The following GHRHR variants were observed in gnomAD, a reference collection of about 807,000 sequenced individuals.
GHRHR encodes the protein growth hormone releasing hormone receptor.
A neutral mutation model predicts 58.3 loss-of-function variants in GHRHR; 40 were observed. That is an observed-to-expected ratio of 0.69 (90% CI 0.53 to 0.89). The LOEUF (loss-of-function observed/expected upper bound fraction) is 0.89, where lower values mean the gene tolerates loss of function less well. Ranked by LOEUF, GHRHR falls within the 40% of genes least tolerant of loss-of-function variation. The pLI is 0.00. For synonymous variants in GHRHR, 249 were observed against 216.6 expected (o/e 1.15, Z -1.31); for missense variants, 551 against 541.3 (o/e 1.02, Z -0.18).
At position 30,974,986 on chromosome 7, in the gene GHRHR, C is replaced by A. The variant is rs147768462; in HGVS notation, c.828C>A (p.Asp276Glu). 6.2e-7 allele frequency: 1 copy of A among 1,612,382 alleles called. No individual in the cohort carries two copies. Among genetic ancestry groups the A allele is most frequent in the Non-Finnish European group, 8.5e-7 (1 of 1,178,440 alleles). The part of the protein sequence containing the change: ...AFEDIACWDL[D>E]DTSPYWWIIK... ...CTCTCCCCAGGTGCTGGGACCTGGACGACACCTCCCCCTACTGGTGGATCA... is the reference window on the plus strand; with the variant it reads ...CTCTCCCCAGGTGCTGGGACCTGGAAGACACCTCCCCCTACTGGTGGATCA... The change falls in exon 9 of 13, where the codon GAC becomes GAA. Residue 276 changes from aspartate to glutamate, a missense_variant. Transcript: ENST00000326139.
intron 11 of GHRHR, 61 bp from the exon 12 acceptor site, chr7:30,977,220 G>A (rs1792607470): frequency 1.3e-6 from 2 of 1,488,452 alleles, no homozygotes; most frequent in Admixed American, 1.7e-5. Flanking sequence ...CAGAAAGACG[G>A]TGGACACCTT....
intron 6 of GHRHR, 25 bp downstream of exon 6, chr7:30,972,120 G>A: frequency 6.2e-7 from 1 of 1,612,702 alleles, no homozygotes; most frequent in Admixed American, 1.7e-5. Flanking sequence ...TGAAGGGGCT[G>A]GGCAGGTGGG....
chr7:30,964,186 G>C, intron 1 of GHRHR, 61 bp downstream of exon 1: 1 of 1,417,602 alleles, frequency 7.1e-7, no homozygotes. Context: ...GGGAGCCACA[G>C]GGCCAACTGG....
At chr7:30,969,252 G>A (rs527349420) in intron 3 of GHRHR, 82 bp downstream of exon 3, 11 of 984,102 alleles carry the variant, frequency 1.1e-5, no homozygotes, top group Non-Finnish European at 1.7e-5. Flanking sequence ...TTTGGGGGCA[G>A]GCTAACCTGG....
intron 12 of GHRHR, 141 bp from the exon 13 acceptor site, chr7:30,978,978 G>A: frequency 1.3e-6 from 1 of 785,198 alleles, no homozygotes; most frequent in East Asian, 2.5e-5. Flanking sequence ...GTACTTAGCA[G>A]TACCTGTTGC....
At chr7:30,972,590 A>G (rs1468934905) in intron 6 of GHRHR, among the ~76,000 whole-genome samples, 1 of 152,154 alleles carries the variant, frequency 6.6e-6, no homozygotes, top group African/African-American at 2.4e-5. Context: ...GGCAGCAACA[A>G]TAGGGAGATG....
In GHRHR at chr7:30,974,975, T is replaced by C. The variant is rs1250709814; in HGVS notation, c.817T>C (p.Trp273Arg). 3 of 1,608,806 alleles carry C rather than the reference T, an allele frequency of 1.9e-6. No individual in the cohort carries two copies. The highest frequency in any genetic ancestry group is 2.6e-6 in the Non-Finnish European group (3 of 1,175,174). The change falls in exon 9 of 13, where the codon TGG becomes CGG. Residue 273 changes from tryptophan to arginine, a missense_variant. Transcript: ENST00000326139. ...CKLAFEDIACWDLDDTSPYWW... is the reference protein window; with the variant it reads ...CKLAFEDIACRDLDDTSPYWW... ...CCTTCTTTCCTCTCTCCCCAGGTGC[T>C]GGGACCTGGACGACACCTCCCCCTA...
intron 5 of GHRHR, among the ~76,000 whole-genome samples, chr7:30,971,579 C>G (rs1458656457): frequency 6.6e-6 from 1 of 152,068 alleles, no homozygotes; most frequent in East Asian, 1.9e-4. Context: ...TTTAAGACCC[C>G]ACCCCCTCCT....
chr7:30,966,481 C>T (rs1584409928), intron 1 of GHRHR, among the ~76,000 whole-genome samples: 1 of 152,126 alleles, frequency 6.6e-6, no homozygotes, highest in African/African-American at 2.4e-5. Context: ...CTTCCCTTGT[C>T]CTTGCACATG....
intron 9 of GHRHR, 67 bp from the exon 10 acceptor site, chr7:30,975,710 C>T: frequency 1.1e-6 from 1 of 880,312 alleles, no homozygotes; most frequent in Non-Finnish European, 2.0e-6. Context: ...TGGGCTGGGG[C>T]TCACCCCAGC....
rs575455147 is a variant in GHRHR, at chr7:30,972,222, A to C, written c.597+127A>C. ...CCCTGGGGCTCCCGCATGGCCAATT[A>C]CAGAACAGGAAAATGCTCCTTTCCC... On this transcript the variant is annotated intron_variant, in intron 6 of 12. Transcript: ENST00000326139. 24 of 940,654 alleles carry C rather than the reference A, an allele frequency of 2.6e-5. No homozygotes were observed. In the East Asian group the frequency reaches 5.7e-4, roughly 23 times the overall value. 58.3% of individuals were successfully genotyped at this position (940,654 alleles called of 1,614,324 possible). A position where few individuals can be genotyped will look rare whatever the true frequency, so the allele number is the denominator to read the frequency against.
chr7:30,971,501 A>C (rs1258851412), intron 5 of GHRHR, among the ~76,000 whole-genome samples: 1 of 152,138 alleles, frequency 6.6e-6, no homozygotes, highest in Non-Finnish European at 1.5e-5. Flanking sequence ...TCCTATCTGC[A>C]TCTGACAGTC....
At chr7:30,974,376 TCA>T (rs1267259669) in intron 7 of GHRHR, 51 bp from the exon 8 acceptor site, 3 of 1,351,756 alleles carry the variant, frequency 2.2e-6, no homozygotes, top group Non-Finnish European at 2.1e-6. Flanking sequence ...GCGCCAGATC[TCA>T]GAGTCAAGGA....
At chr7:30,978,604 C>T (rs1210760387) in intron 12 of GHRHR, among the ~76,000 whole-genome samples, 1 of 152,188 alleles carries the variant, frequency 6.6e-6, no homozygotes, top group African/African-American at 2.4e-5. Flanking sequence ...AAGATACAGA[C>T]AGCACCCCCA....
intron 7 of GHRHR, 82 bp from the exon 8 acceptor site, chr7:30,974,347 A>G: frequency 1.7e-6 from 2 of 1,168,066 alleles, no homozygotes; most frequent in Non-Finnish European, 2.6e-6. Flanking sequence ...TACGTGGCTG[A>G]TGGTGGTGGT....
At chr7:30,964,921 C>T (rs972087236) in intron 1 of GHRHR, among the ~76,000 whole-genome samples, 1 of 152,148 alleles carries the variant, frequency 6.6e-6, no homozygotes, top group African/African-American at 2.4e-5. Context: ...AGCATTCTTC[C>T]TCCGCTGCCT....
chr7:30,979,391 A>C lies in GHRHR; in HGVS notation c.*147A>C, dbSNP rs2586. ...TGCAGCCCTTCCTCCCTGTCTCTGC[A>C]TCTGACTCTCTTTTGAGGTCCCTGT... On this transcript the variant is annotated 3_prime_UTR_variant, in exon 13 of 13. Transcript: ENST00000326139. 0.034 allele frequency: 25,472 copies of C among 740,490 alleles called. 611 individuals carry two copies. The highest frequency in any genetic ancestry group is 0.085 in the Middle Eastern group (234 of 2,748). The allele number at this position is 740,490 out of a possible 1,614,324, so 45.9% of individuals were successfully genotyped here.
chr7:30,976,157 G>A (rs1017273353), intron 10 of GHRHR, among the ~76,000 whole-genome samples: 19 of 152,142 alleles, frequency 1.2e-4, no homozygotes, highest in African/African-American at 3.9e-4. Context: ...GTGTGGTCAA[G>A]GAAGACTTCC....
intron 8 of GHRHR, 138 bp from the exon 9 acceptor site, chr7:30,974,833 C>A: frequency 1.3e-6 from 1 of 759,372 alleles, no homozygotes; most frequent in Non-Finnish European, 2.4e-6. Context: ...TGGGTGAGAC[C>A]TTAACTGGCT....
Sources: allele counts gnomAD v4.1 joint callset (sites outside exome capture counted in the v4.1 genomes callset), GRCh38; gene constraint gnomAD v4.1.1; transcripts MANE v1.5; gene names NCBI Gene and HGNC (gene_info 2026-07-23, HGNC 2026-07-21).